Variants in ZNF134 observed in about 807,000 individuals in gnomAD.
ZNF134 encodes zinc finger protein 134 (clone pHZ-15).
In ZNF134, 5 loss-of-function variants were observed where a neutral mutation model predicts 2.5. The ratio of observed to expected loss-of-function variants is 2.03; its 90% CI spans 1.06 to 4.27. ZNF134 has a LOEUF of 4.27. Ranked by LOEUF, ZNF134 falls within the 30% of genes most tolerant of loss-of-function variation. ZNF134 has a pLI of 0.00. For missense variants in ZNF134, 540 were observed against 517.5 expected (o/e 1.04, Z -0.42); for synonymous variants, 176 against 176.2 (o/e 1.00, Z 0.01).
intron 1 of ZNF134, among the ~76,000 whole-genome samples, chr19:57,617,663 A>G (rs1433397677): frequency 6.6e-6 from 1 of 152,212 alleles, no homozygotes; most frequent in Admixed American, 6.5e-5. Flanking sequence ...AGCTATCCAC[A>G]GGGTGGCAGC....
At position 57,619,453 on chromosome 19, in the gene ZNF134, G is replaced by C. The variant is rs1402538680; in HGVS notation, c.-16G>C. On this transcript the variant is annotated 5_prime_UTR_variant, in exon 2 of 3. Coordinates refer to ENST00000396161, the MANE Select transcript of ZNF134 (RefSeq NM_003435.5). ...GAATTGTAACAAGAGAGAGAACTCT[G>C]GCTGCCTGAGAGGGCATGACTCTAG... 4 of 1,601,340 alleles carry C rather than the reference G, an allele frequency of 2.5e-6. No homozygotes were observed. In the African/African-American group the frequency reaches 5.4e-5, roughly 21 times the overall value.
In ZNF134 at chr19:57,623,879, T is replaced by C. The variant is rs1599947047; in HGVS notation, c.*2476T>C. 3.3e-5 allele frequency: 5 copies of C among 152,314 alleles called. No individual in the cohort carries two copies. The East Asian group carries it at 9.6e-4, about 29-fold the overall frequency. The allele number at this position is 152,314 out of a possible 1,614,324, so 9.4% of individuals were successfully genotyped here. On this transcript the variant is annotated 3_prime_UTR_variant, in exon 3 of 3. Transcript: ENST00000396161. ...GTGATGTACAGGAGACTCACAAAAT[T>C]CTTGAAAATTTTATACCAGTGGAAA...
rs1981207430 is a variant in ZNF134, at chr19:57,621,173, T to C, written c.1054T>C (p.Phe352Leu). Residue 352 changes from phenylalanine (F) to leucine (L), a missense_variant, in exon 3 of 3, where the codon TTC (phenylalanine) becomes CTC (leucine). Coordinates refer to ENST00000396161, the MANE Select transcript of ZNF134 (RefSeq NM_003435.5). ...KPFECIECGKFFSRSSDYIAH... is the reference protein window; with the variant it reads ...KPFECIECGKLFSRSSDYIAH... The stretch of plus-strand genomic sequence containing the variant: ...GTTTGAGTGCATTGAATGCGGGAAA[T>C]TCTTTAGTCGAAGTTCTGACTATAT... 1 of 1,614,210 alleles carries C rather than the reference T, an allele frequency of 6.2e-7. No individual in the cohort carries two copies. Among genetic ancestry groups the C allele is most frequent in the East Asian group, 2.2e-5 (1 of 44,880 alleles).
At chr19:57,619,914 G>A (rs922979682) in intron 2 of ZNF134, among the ~76,000 whole-genome samples, 3 of 152,340 alleles carry the variant, frequency 2.0e-5, no homozygotes, top group African/African-American at 7.2e-5. Flanking sequence ...AGTCATTGCA[G>A]AGGATTAAGT....
chr19:57,624,315 A>G lies in ZNF134; in HGVS notation c.*2912A>G, dbSNP rs573799426. 7 of 152,266 alleles carry G rather than the reference A, an allele frequency of 4.6e-5. No individual in the cohort carries two copies. The South Asian group carries it at 1.5e-3, about 32-fold the overall frequency. The allele number at this position is 152,266 out of a possible 1,614,324, so 9.4% of individuals were successfully genotyped here. A position where few individuals can be genotyped will look rare whatever the true frequency, so the allele number is the denominator to read the frequency against. ...CTAGTTTTACAGATCCAAATGAGAC[A>G]GGAATAGCACTGGGTGGTCACAGGA... On this transcript the variant is annotated 3_prime_UTR_variant, in exon 3 of 3. Transcript: ENST00000396161.
chr19:57,620,214 T>C lies in ZNF134; in HGVS notation c.95T>C (p.Ile32Thr), dbSNP rs1331942468. ...EESSSEQSISIAVSHVNTSKA... is the reference protein window; with the variant it reads ...EESSSEQSISTAVSHVNTSKA... ...TCATCTTCTGAACAGAGCATTTCTA[T>C]AGCAGTGTCACATGTTAATACTTCC... The change falls in exon 3 of 3, where the codon ATA becomes ACA. Residue 32 changes from isoleucine (I) to threonine (T), a missense_variant. Coordinates refer to ENST00000396161, the MANE Select transcript of ZNF134 (RefSeq NM_003435.5). 6.2e-7 allele frequency: 1 copy of C among 1,614,124 alleles called. No homozygotes were observed.
At chr19:57,618,357 C>G (rs9304794) in intron 1 of ZNF134, among the ~76,000 whole-genome samples, 301 of 152,174 alleles carry the variant, frequency 2.0e-3, no homozygotes, top group African/African-American at 6.9e-3. Flanking sequence ...TGTGGGGAAG[C>G]CATGGAGGTA....
Position 57,620,522 on chromosome 19 carries a change from A to G in ZNF134, c.403A>G (p.Lys135Glu). 6.2e-7 allele frequency: 1 copy of G among 1,614,236 alleles called. No homozygotes were observed. Among genetic ancestry groups the G allele is most frequent in the Non-Finnish European group, 8.5e-7 (1 of 1,180,040 alleles). The change falls in exon 3 of 3, where the codon AAG (lysine) becomes GAG (glutamate). Residue 135 changes from lysine to glutamate, a missense_variant. Physicochemically the swap from Lys to Glu is moderately conservative, Grantham distance 56. Transcript: ENST00000396161. ...TCCGTCAGAGAAGCCCTTTACGTGT[A>G]AGGAGGAGCAGAAAAACTTCCAGGC... Reference protein sequence around the residue: ...PHPSEKPFTCKEEQKNFQATL... With the variant: ...PHPSEKPFTCEEEQKNFQATL...
chr19:57,621,038 G>A lies in ZNF134; in HGVS notation c.919G>A (p.Glu307Lys). ...ACACAAATCTACACTTGTTCAGCAT[G>A]AGAGTATTCACACTGGAGAAAATCC... ...FRHKSTLVQH[E>K]SIHTGENPYD... Residue 307 changes from glutamate (E) to lysine (K), a missense_variant, in exon 3 of 3, where the codon GAG becomes AAG. By Grantham distance (56) the Glu-to-Lys change is moderately conservative. Coordinates refer to ENST00000396161, the MANE Select transcript of ZNF134 (RefSeq NM_003435.5). 1 of 1,614,100 alleles carries A rather than the reference G, an allele frequency of 6.2e-7. No homozygotes were observed. The highest frequency in any genetic ancestry group is 8.5e-7 in the Non-Finnish European group (1 of 1,180,014).
At position 57,621,015 on chromosome 19, in the gene ZNF134, A is replaced by G; in HGVS notation, c.896A>G (p.His299Arg). ...KCSDCGKVFR[H>R]KSTLVQHESI... ...AGTGATTGTGGGAAAGTCTTCAGACACAAATCTACACTTGTTCAGCATGAG... is the reference window on the plus strand; with the variant it reads ...AGTGATTGTGGGAAAGTCTTCAGACGCAAATCTACACTTGTTCAGCATGAG... Residue 299 changes from histidine (H) to arginine (R), a missense_variant, in exon 3 of 3, where the codon CAC becomes CGC. Physicochemically the swap from His to Arg is conservative, Grantham distance 29. Coordinates refer to ENST00000396161, the MANE Select transcript of ZNF134 (RefSeq NM_003435.5). 1 of 1,614,020 alleles carries G rather than the reference A, an allele frequency of 6.2e-7. No homozygotes were observed. The highest frequency in any genetic ancestry group is 8.5e-7 in the Non-Finnish European group (1 of 1,179,988).
At position 57,621,703 on chromosome 19, in the gene ZNF134, C is replaced by G. The variant is rs1191652528; in HGVS notation, c.*300C>G. 2 of 513,120 alleles carry G rather than the reference C, an allele frequency of 3.9e-6. No individual in the cohort carries two copies. Among genetic ancestry groups the G allele is most frequent in the African/African-American group, 3.8e-5 (2 of 52,284 alleles). The allele number at this position is 513,120 out of a possible 1,614,324, so 31.8% of individuals were successfully genotyped here. On this transcript the variant is annotated 3_prime_UTR_variant, in exon 3 of 3. Transcript: ENST00000396161. ...GTTCATTGGGGGTCCTCATTCCCTTCTGTATGACAGGTATAGGTATGGATA... is the reference window on the plus strand; with the variant it reads ...GTTCATTGGGGGTCCTCATTCCCTTGTGTATGACAGGTATAGGTATGGATA...
intron 1 of ZNF134, among the ~76,000 whole-genome samples, chr19:57,617,151 C>T (rs1335247764): frequency 6.6e-6 from 1 of 152,142 alleles, no homozygotes; most frequent in East Asian, 1.9e-4. Context: ...AAATGGCAGC[C>T]TGAGGATCTG....
rs532366839 is a variant in ZNF134 at position 57,622,121 on chromosome 19, G to A, written c.*718G>A. 6.4e-6 allele frequency: 1 copy of A among 156,744 alleles called. No homozygotes were observed. The highest frequency in any genetic ancestry group is 2.4e-5 in the African/African-American group (1 of 41,574). The allele number at this position is 156,744 out of a possible 1,614,324, so 9.7% of individuals were successfully genotyped here. On this transcript the variant is annotated 3_prime_UTR_variant, in exon 3 of 3. Coordinates refer to ENST00000396161, the MANE Select transcript of ZNF134 (RefSeq NM_003435.5). ...TGTTAAGTAAGAATTAAGATCTTGT[G>A]TAGACCTGATTTGTCTGGATTTTAG...
intron 1 of ZNF134, among the ~76,000 whole-genome samples, chr19:57,615,653 T>C (rs1041902475): frequency 6.6e-6 from 1 of 152,216 alleles, no homozygotes. Flanking sequence ...TTCCTCTGTG[T>C]CACTCCCCCA....
intron 1 of ZNF134, among the ~76,000 whole-genome samples, chr19:57,619,200 G>A (rs578058361): frequency 4.6e-5 from 7 of 152,240 alleles, no homozygotes; most frequent in East Asian, 1.9e-4. Flanking sequence ...GGCTCCACCC[G>A]CTTCCTCTAA....
At position 57,620,608 on chromosome 19, in the gene ZNF134, T is replaced by G; in HGVS notation, c.489T>G (p.Thr163=). Residue 163 remains threonine (T), a synonymous_variant, in exon 3 of 3, where the codon ACT becomes ACG. Coordinates refer to ENST00000396161, the MANE Select transcript of ZNF134 (RefSeq NM_003435.5). ...GTAAGAGGAAGACACACAGGAGCACTGAGAGTGGGGATGCATTTCATGGTG... is the reference window on the plus strand; with the variant it reads ...GTAAGAGGAAGACACACAGGAGCACGGAGAGTGGGGATGCATTTCATGGTG... ...IHSKRKTHRS[T]ESGDAFHGEQ... is the part of the protein sequence containing the mutation. 1 of 1,614,172 alleles carries G rather than the reference T, an allele frequency of 6.2e-7. No individual in the cohort carries two copies. Among genetic ancestry groups the G allele is most frequent in the Non-Finnish European group, 8.5e-7 (1 of 1,180,032 alleles).
chr19:57,620,784 A>G lies in ZNF134; in HGVS notation c.665A>G (p.His222Arg), dbSNP rs1770842122. The G allele has an allele frequency of 1.2e-6, 2 of 1,614,134 alleles. No individual in the cohort carries two copies. Among genetic ancestry groups the G allele is most frequent in the East Asian group, 2.2e-5 (1 of 44,904 alleles). The change falls in exon 3 of 3, where the codon CAT (histidine) becomes CGT (arginine). Residue 222 changes from histidine (H) to arginine (R), a missense_variant. By Grantham distance (29) the His-to-Arg change is conservative (BLOSUM62 0). Transcript: ENST00000396161. Reference protein sequence around the residue: ...AFSRKATLVQHQRIHTGERPY... With the variant: ...AFSRKATLVQRQRIHTGERPY... ...AGCCGCAAAGCTACACTTGTCCAGC[A>G]TCAGAGAATCCATACTGGAGAAAGG... is the stretch of plus-strand genomic sequence containing the variant.
In ZNF134 at chr19:57,620,167, G is replaced by C. The variant is rs770464491; in HGVS notation, c.48G>C (p.Trp16Cys). The C allele has an allele frequency of 1.2e-6, 2 of 1,610,730 alleles. No homozygotes were observed. The highest frequency in any genetic ancestry group is 3.3e-5 in the Admixed American group (2 of 59,784). The stretch of plus-strand genomic sequence containing the variant: ...GTATTTTTCTGCCTTCAGGTTGTTG[G>C]CATGAAGTGAAGGATGAAGAGTCAT... ...AGGAWTGPGC[W>C]HEVKDEESSS... Residue 16 changes from tryptophan (W) to cysteine (C), a missense_variant, in exon 3 of 3, where the codon TGG becomes TGC. Trp to Cys is a radical substitution (Grantham distance 215). Transcript: ENST00000396161.
intron 1 of ZNF134, among the ~76,000 whole-genome samples, chr19:57,616,573 C>T (rs531587999): frequency 1.2e-4 from 19 of 152,320 alleles, no homozygotes; most frequent in East Asian, 3.9e-4. Flanking sequence ...GACACTCAGA[C>T]GCTGGTCTTT....
Sources: allele counts gnomAD v4.1 joint callset (sites outside exome capture counted in the v4.1 genomes callset), GRCh38; gene constraint gnomAD v4.1.1; transcripts MANE v1.5; gene names NCBI Gene and HGNC (gene_info 2026-07-23, HGNC 2026-07-21).